ADGRL3: variants seen among roughly 807,000 people sequenced by gnomAD.
The protein encoded by ADGRL3 is calcium-independent alpha-latrotoxin receptor 3.
Under a neutral mutation model 153.5 loss-of-function variants are expected in ADGRL3, and 62 were observed. The observed-to-expected ratio is 0.40, with a 90% CI of 0.33 to 0.50. The LOEUF (loss-of-function observed/expected upper bound fraction) is 0.50, where lower values mean the gene tolerates loss of function less well. Among genes scored for constraint, ADGRL3 ranks in the 20% least tolerant of loss-of-function variants. The probability of loss-of-function intolerance (pLI) is 0.47; values close to 1 mark genes in which losing one functional copy is unlikely to be tolerated. For missense variants in ADGRL3, 1,641 were observed against 1,859.4 expected, an observed-to-expected ratio of 0.88 and a Z score of 2.16; for synonymous variants, 710 against 672.5, an observed-to-expected ratio of 1.06 and a Z score of -0.86.
chr4:62,000,500 A>C (rs953214645), intron 21 of ADGRL3, among the ~76,000 whole-genome samples: 2 of 152,094 alleles, frequency 1.3e-5, no homozygotes, highest in African/African-American at 2.4e-5. Flanking sequence ...GGTAGCATCA[A>C]GTTTTATATT....
At position 61,230,061 on chromosome 4, in the gene ADGRL3, T is replaced by C. The variant is rs796915156; in HGVS notation, c.-240+28296T>C. On this transcript the variant is annotated intron_variant, in intron 1 of 26. Coordinates refer to ENST00000683033, the MANE Select transcript of ADGRL3 (RefSeq NM_001387552.1). ...CTTAAAGCTGGAATACCATGTATCT[T>C]TCATCAGTATAATGTTATAGGGTCA... 1.2e-4 allele frequency among the ~76,000 whole-genome samples: 18 copies of C among 152,294 alleles called. 1 individual carries two copies. The highest frequency in any genetic ancestry group is 4.3e-4 in the African/African-American group (18 of 41,578).
intron 6 of ADGRL3, among the ~76,000 whole-genome samples, chr4:61,705,356 TAG>T (rs2095838932): frequency 6.6e-6 from 1 of 151,574 alleles, no homozygotes; most frequent in Admixed American, 6.6e-5. Flanking sequence ...CTTCAATGAC[TAG>T]TGGGTGGATC....
Position 62,070,678 on chromosome 4 carries a change from G to T in ADGRL3, c.4402G>T (p.Val1468Phe), listed in dbSNP as rs1249163417. ...TLAGVAATES[V>F]TTSTQTEPPP... is the part of the protein sequence containing the mutation. Reference sequence around the variant, plus strand: ...GGCTGGTGTGGCCGCCACAGAGAGTGTTACCACCAGCACCCAGACCGAACC... The same window carrying T: ...GGCTGGTGTGGCCGCCACAGAGAGTTTTACCACCAGCACCCAGACCGAACC... The change falls in exon 27 of 27, where the codon GTT becomes TTT. Residue 1468 changes from valine to phenylalanine, a missense_variant. Coordinates refer to ENST00000683033, the MANE Select transcript of ADGRL3 (RefSeq NM_001387552.1). The T allele has an allele frequency of 1.3e-6, 2 of 1,551,486 alleles. No individual in the cohort carries two copies. Among genetic ancestry groups the T allele is most frequent in the Admixed American group, 3.9e-5 (2 of 50,992 alleles).
chr4:61,820,006 G>A (rs1044413730), intron 9 of ADGRL3, among the ~76,000 whole-genome samples: 31 of 151,890 alleles, frequency 2.0e-4, no homozygotes, highest in East Asian at 1.9e-4. Flanking sequence ...CAATTCGCTT[G>A]ATTTATTCGA....
chr4:61,640,892 T>C (rs2093636569), intron 5 of ADGRL3, among the ~76,000 whole-genome samples: 1 of 152,190 alleles, frequency 6.6e-6, no homozygotes, highest in African/African-American at 2.4e-5. Flanking sequence ...GAGAACAAGG[T>C]TCTGCTTAAT....
chr4:61,961,924 C>G (rs999541272), intron 17 of ADGRL3, among the ~76,000 whole-genome samples: 1 of 152,138 alleles, frequency 6.6e-6, no homozygotes, highest in Non-Finnish European at 1.5e-5. Context: ...ACAATAAATA[C>G]TCATATACCC....
At chr4:61,567,623 C>T (rs1371445932) in intron 4 of ADGRL3, among the ~76,000 whole-genome samples, 1 of 152,150 alleles carries the variant, frequency 6.6e-6, no homozygotes, top group Non-Finnish European at 1.5e-5. Flanking sequence ...GTTTGTGAGT[C>T]ACCCAGTTTA....
chr4:62,033,283 C>G (rs1341292263), intron 23 of ADGRL3, among the ~76,000 whole-genome samples: 2 of 151,526 alleles, frequency 1.3e-5, no homozygotes, highest in African/African-American at 4.8e-5. Flanking sequence ...AGATAGGGTT[C>G]TATCGATGGT....
rs576208044 is a variant in ADGRL3, at chr4:61,938,733, G to A, written c.2419+2688G>A. On this transcript the variant is annotated intron_variant, in intron 15 of 26. Coordinates refer to ENST00000683033, the MANE Select transcript of ADGRL3 (RefSeq NM_001387552.1). ...CTGCATCTGATTGGATGCATCTAGC[G>A]GAAGTGCCCAGAGCAACGTCTCCGC... is the stretch of plus-strand genomic sequence containing the variant. Among the ~76,000 whole-genome samples the A allele has an allele frequency of 8.6e-5, 13 of 151,858 alleles. 1 individual carries two copies. The South Asian group carries it at 1.2e-3, about 15-fold the overall frequency.
intron 1 of ADGRL3, among the ~76,000 whole-genome samples, chr4:61,379,714 T>G (rs2096645455): frequency 6.6e-6 from 1 of 152,024 alleles, no homozygotes; most frequent in African/African-American, 2.4e-5. Context: ...AATAACATAT[T>G]TTCCATCTTA....
intron 5 of ADGRL3, among the ~76,000 whole-genome samples, chr4:61,634,838 G>T (rs2093346636): frequency 6.6e-6 from 1 of 152,132 alleles, no homozygotes; most frequent in Admixed American, 6.6e-5. Context: ...ATCCAAATGT[G>T]ATCCCTCCTA....
At chr4:61,867,819 T>C (rs960943829) in intron 9 of ADGRL3, among the ~76,000 whole-genome samples, 1 of 151,892 alleles carries the variant, frequency 6.6e-6, no homozygotes, top group Admixed American at 6.6e-5. Context: ...TTTATAATCC[T>C]TTCATCTTCT....
intron 8 of ADGRL3, among the ~76,000 whole-genome samples, chr4:61,740,423 A>T (rs2096568785): frequency 1.3e-5 from 2 of 152,136 alleles, no homozygotes; most frequent in South Asian, 4.1e-4. Flanking sequence ...TTTAGCTATG[A>T]TTAGTGCCTG....
At chr4:61,787,549 A>G (rs945298463) in intron 8 of ADGRL3, among the ~76,000 whole-genome samples, 1 of 152,082 alleles carries the variant, frequency 6.6e-6, no homozygotes, top group Admixed American at 6.6e-5. Flanking sequence ...AAGGAAGAAA[A>G]CCATCCAGTG....
Position 62,017,358 on chromosome 4 carries a change from T to C in ADGRL3, c.3396-11497T>C, listed in dbSNP as rs1365018800. Among the ~76,000 whole-genome samples the C allele has an allele frequency of 2.0e-5, 3 of 151,962 alleles. 1 individual carries two copies. Among genetic ancestry groups the C allele is most frequent in the Middle Eastern group, 6.8e-3 (2 of 294 alleles). ...GATTCCACCAAGTTAAGGAAACTAC[T>C]ATATACTAGTTTTCTAAATTGTTTT... On this transcript the variant is annotated intron_variant, in intron 21 of 26. Coordinates refer to ENST00000683033, the MANE Select transcript of ADGRL3 (RefSeq NM_001387552.1).
At chr4:61,578,179 C>T (rs2098901921) in intron 4 of ADGRL3, among the ~76,000 whole-genome samples, 1 of 151,994 alleles carries the variant, frequency 6.6e-6, no homozygotes, top group Admixed American at 6.6e-5. Flanking sequence ...CCTGTTTTCT[C>T]TGTGTGTGAC....
chr4:61,302,956 G>A (rs536519578), intron 1 of ADGRL3, among the ~76,000 whole-genome samples: 3 of 152,080 alleles, frequency 2.0e-5, no homozygotes, highest in African/African-American at 7.2e-5. Flanking sequence ...TCACCTCATC[G>A]GGCTTGGCTT....
At chr4:61,701,819 A>G (rs1444121930) in intron 6 of ADGRL3, among the ~76,000 whole-genome samples, 2 of 152,092 alleles carry the variant, frequency 1.3e-5, no homozygotes, top group Admixed American at 1.3e-4. Flanking sequence ...AGATTTGAAG[A>G]TATTTTTTAC....
intron 5 of ADGRL3, among the ~76,000 whole-genome samples, chr4:61,676,309 T>C (rs1312432235): frequency 2.0e-5 from 3 of 151,982 alleles, no homozygotes; most frequent in Admixed American, 6.6e-5. Context: ...CAAATATCAA[T>C]TTTAACATTT....
Sources: gnomAD v4.1 joint callset for allele counts (sites outside exome capture counted in the v4.1 genomes callset) on GRCh38, gnomAD v4.1.1 for gene constraint, MANE v1.5 for transcripts, NCBI Gene and HGNC (gene_info 2026-07-23, HGNC 2026-07-21) for gene names.